RELN: variants seen among roughly 807,000 people sequenced by gnomAD.
RELN encodes reelin.
Under a neutral mutation model 427.6 loss-of-function variants are expected in RELN, and 108 were observed. The observed-to-expected ratio is 0.25, with a 90% confidence interval of 0.22 to 0.30. The LOEUF is 0.30. Among genes scored for constraint, RELN ranks in the 10% least tolerant of loss-of-function variants. The pLI is 1.00. For synonymous variants in RELN, 1,524 were observed against 1,513.4 expected (o/e 1.01, Z -0.16); for missense variants, 3,715 against 4,302.8 (o/e 0.86, Z 3.82).
intron 38 of RELN, among the ~76,000 whole-genome samples, chr7:103,556,418 T>C (rs1485520861): frequency 9.2e-6 from 1 of 108,420 alleles, no homozygotes; most frequent in African/African-American, 4.6e-5. Context: ...ATGAAGAGAT[T>C]ATATATACGT....
At chr7:103,977,184 G>A (rs190175794) in intron 1 of RELN, among the ~76,000 whole-genome samples, 3 of 151,834 alleles carry the variant, frequency 2.0e-5, no homozygotes, top group African/African-American at 7.3e-5. Context: ...GGTGGTGTGC[G>A]CCTGTAATCC....
chr7:103,740,316 C>A (rs1028395022), intron 6 of RELN, among the ~76,000 whole-genome samples: 1 of 152,160 alleles, frequency 6.6e-6, no homozygotes, highest in Non-Finnish European at 1.5e-5. Context: ...TAAGCATGAA[C>A]AATTTCCAGA....
In RELN at chr7:103,823,880, AT is replaced by A. The variant is rs1793067657; in HGVS notation, c.473+9656del. ...ATGTGCGGTAAAAATACCAAACTGC[AT>A]TTTTAAAAAATTTATCTTGTTTTGC... On this transcript the variant is annotated intron_variant, in intron 3 of 64. Coordinates refer to ENST00000428762, the MANE Select transcript of RELN (RefSeq NM_005045.4). Among the ~76,000 whole-genome samples, 5 of 110,018 alleles carry A rather than the reference AT, an allele frequency of 4.5e-5. No individual in the cohort carries two copies. In the South Asian group the frequency reaches 1.3e-3, roughly 29 times the overall value. The allele number at this position is 110,018 out of a possible 152,430, so 72.2% of individuals were successfully genotyped here.
At chr7:103,803,848 T>C (rs191275627) in intron 3 of RELN, among the ~76,000 whole-genome samples, 1 of 152,176 alleles carries the variant, frequency 6.6e-6, no homozygotes, top group Admixed American at 6.5e-5. Flanking sequence ...TAGCAACAGA[T>C]GCAGTTACAG....
chr7:103,598,857 CAT>C (rs1386007753), intron 24 of RELN, among the ~76,000 whole-genome samples: 1 of 152,170 alleles, frequency 6.6e-6, no homozygotes, highest in Non-Finnish European at 1.5e-5. Context: ...TTCAATGTAA[CAT>C]ATGCTTTGCA....
intron 2 of RELN, among the ~76,000 whole-genome samples, chr7:103,869,303 T>C (rs1794272754): frequency 6.6e-6 from 1 of 152,106 alleles, no homozygotes; most frequent in East Asian, 1.9e-4. Flanking sequence ...AAAAACTCAC[T>C]ATACTTAATA....
intron 3 of RELN, among the ~76,000 whole-genome samples, chr7:103,796,211 T>C (rs1477083429): frequency 6.6e-6 from 1 of 152,214 alleles, no homozygotes; most frequent in South Asian, 2.1e-4. Flanking sequence ...CTGATTTCCA[T>C]ATTACCATTA....
At chr7:103,543,943 G>A (rs985318821) in intron 42 of RELN, among the ~76,000 whole-genome samples, 2 of 152,014 alleles carry the variant, frequency 1.3e-5, no homozygotes, top group Non-Finnish European at 1.5e-5. Context: ...CTCCTCCAAC[G>A]CTGGCAAATG....
intron 1 of RELN, among the ~76,000 whole-genome samples, chr7:103,941,165 G>A (rs1032548645): frequency 6.6e-6 from 1 of 152,110 alleles, no homozygotes; most frequent in Admixed American, 6.5e-5. Context: ...CCCCTCAGAA[G>A]AGCTTAGACT....
chr7:103,911,041 G>T (rs1018986917), intron 2 of RELN, among the ~76,000 whole-genome samples: 1 of 141,630 alleles, frequency 7.1e-6, no homozygotes, highest in Non-Finnish European at 1.5e-5. Context: ...CACAGCAAAA[G>T]AAACTACCAT....
At chr7:103,892,309 T>G (rs1447157689) in intron 2 of RELN, among the ~76,000 whole-genome samples, 1 of 152,182 alleles carries the variant, frequency 6.6e-6, no homozygotes, top group Admixed American at 6.6e-5. Context: ...CATGATGGGC[T>G]GATACACAAG....
chr7:103,472,958 T>C (rs2116946074), intron 64 of RELN, 50 bp from the exon 65 acceptor site: 5 of 1,383,734 alleles, frequency 3.6e-6, no homozygotes, highest in Non-Finnish European at 5.2e-6. Flanking sequence ...AAAAAGAGCA[T>C]GTAAGTCCCA....
intron 4 of RELN, among the ~76,000 whole-genome samples, chr7:103,771,342 G>A (rs552499273): frequency 1.3e-5 from 2 of 152,122 alleles, no homozygotes; most frequent in East Asian, 3.9e-4. Flanking sequence ...CCTCACCTCA[G>A]AGGCTTGCCT....
intron 6 of RELN, among the ~76,000 whole-genome samples, chr7:103,731,714 T>A (rs1445173716): frequency 6.6e-6 from 1 of 152,028 alleles, no homozygotes; most frequent in South Asian, 2.1e-4. Context: ...AAGTAAGATA[T>A]AATGGTGCCT....
At chr7:103,838,208 C>CAAAAA (rs58553259) in intron 2 of RELN, among the ~76,000 whole-genome samples, 5 of 81,100 alleles carry the variant, frequency 6.2e-5, no homozygotes, top group African/African-American at 2.5e-4. Context: ...GACTTCGTCT[C>CAAAAA]AAAAAAAAAA....
At chr7:103,795,943 C>T (rs539662040) in intron 3 of RELN, among the ~76,000 whole-genome samples, 10 of 152,114 alleles carry the variant, frequency 6.6e-5, no homozygotes. Flanking sequence ...TTTCATTTTT[C>T]TGTAGTTCAT....
intron 38 of RELN, among the ~76,000 whole-genome samples, chr7:103,555,706 C>G (rs1288240897): frequency 1.3e-5 from 2 of 152,112 alleles, no homozygotes; most frequent in Admixed American, 1.3e-4. Context: ...CTCCTGACCT[C>G]AGGTGATCCA....
At chr7:103,928,154 A>C (rs1795786724) in intron 1 of RELN, among the ~76,000 whole-genome samples, 1 of 152,226 alleles carries the variant, frequency 6.6e-6, no homozygotes, top group Admixed American at 6.5e-5. Flanking sequence ...GAAATGCTTA[A>C]GATATAAGTT....
chr7:103,594,565 CAA>C, intron 25 of RELN, 73 bp from the exon 26 acceptor site: 1 of 1,461,252 alleles, frequency 6.8e-7, no homozygotes, highest in Non-Finnish European at 9.5e-7. Flanking sequence ...ATTAAAACAA[CAA>C]GGGTAACAAC....
Sources: gnomAD v4.1 joint callset for allele counts (sites outside exome capture counted in the v4.1 genomes callset) on GRCh38, gnomAD v4.1.1 for gene constraint, MANE v1.5 for transcripts, NCBI Gene and HGNC (gene_info 2026-07-23, HGNC 2026-07-21) for gene names.